AGBL1: variants seen among roughly 807,000 people sequenced by gnomAD.
The protein encoded by AGBL1 is cytosolic carboxypeptidase 4.
A neutral mutation model predicts 118.9 loss-of-function variants in AGBL1; 130 were observed. The ratio of observed to expected loss-of-function variants is 1.09; its 90% confidence interval spans 0.95 to 1.26. The LOEUF is 1.26. Ranked by LOEUF, AGBL1 falls within the 50% of genes most tolerant of loss-of-function variation. The pLI, the probability that AGBL1 is intolerant of heterozygous loss-of-function variation, is 0.00. For missense variants in AGBL1, 1,584 were observed against 1,298.1 expected, an observed-to-expected ratio of 1.22 and a Z score of -3.38; for synonymous variants, 555 against 478.9, an observed-to-expected ratio of 1.16 and a Z score of -2.08.
intron 17 of AGBL1, among the ~76,000 whole-genome samples, chr15:86,359,875 A>T (rs1176041845): frequency 1.3e-5 from 2 of 151,940 alleles, no homozygotes; most frequent in East Asian, 3.8e-4. Context: ...TTTTGTGTAG[A>T]GAAGTGTGAC....
At chr15:86,849,517 C>CTTTTTTTTTTTTT (rs68185029) in intron 22 of AGBL1, among the ~76,000 whole-genome samples, 11 of 136,790 alleles carry the variant, frequency 8.0e-5, no homozygotes, top group African/African-American at 1.3e-4. Context: ...TTCTTTCTTT[C>CTTTTTTTTTTTTT]TTTTTTTTTT....
chr15:86,874,697 G>T (rs1381387319), intron 22 of AGBL1, among the ~76,000 whole-genome samples: 2 of 152,106 alleles, frequency 1.3e-5, no homozygotes, highest in African/African-American at 4.8e-5. Flanking sequence ...ACTGACCTGG[G>T]ATTAACCTTT....
At chr15:86,603,669 C>T (rs1456616093) in intron 21 of AGBL1, among the ~76,000 whole-genome samples, 1 of 152,078 alleles carries the variant, frequency 6.6e-6, no homozygotes, top group Admixed American at 6.5e-5. Context: ...TCCCTCTCTT[C>T]CCGCCCCCTC....
In AGBL1 at chr15:86,971,706, T is replaced by G. The variant is rs570138481; in HGVS notation, c.3222-16281T>G. ...TCTGGAAACATTGCAGCTCCCTCTC[T>G]TTTCATTCTTTGGCCAGCTGAATTA... On this transcript the variant is annotated intron_variant, in intron 23 of 24. Transcript: ENST00000441037. 1.4e-4 allele frequency among the ~76,000 whole-genome samples: 22 copies of G among 152,110 alleles called. No homozygotes were observed. The East Asian group carries it at 3.7e-3, about 25-fold the overall frequency.
At position 86,840,784 on chromosome 15, in the gene AGBL1, A is replaced by G. The variant is rs145424245; in HGVS notation, c.3159-66303A>G. The stretch of plus-strand genomic sequence containing the variant: ...TAGACAGGTATATTATTTTATTCTC[A>G]TCTTCTTTTTATCTCTTGCTTCCTC... On this transcript the variant is annotated intron_variant, in intron 22 of 22. Transcript: ENST00000614907. Among the ~76,000 whole-genome samples, 48 of 152,076 alleles carry G rather than the reference A, an allele frequency of 3.2e-4. 1 individual carries two copies. The East Asian group carries it at 8.5e-3, about 27-fold the overall frequency.
chr15:86,477,654 C>T (rs1465749302), intron 18 of AGBL1, among the ~76,000 whole-genome samples: 11 of 152,162 alleles, frequency 7.2e-5, no homozygotes, highest in Non-Finnish European at 1.2e-4. Context: ...ACCAGAGGTA[C>T]AACGAGGAGC....
At chr15:86,905,055 T>C (rs1219809160) in intron 22 of AGBL1, among the ~76,000 whole-genome samples, 1 of 152,208 alleles carries the variant, frequency 6.6e-6, no homozygotes, top group East Asian at 1.9e-4. Flanking sequence ...GTTATCAAAA[T>C]AGTCATTTCA....
chr15:86,291,109 A>G (rs2079538396), intron 16 of AGBL1, among the ~76,000 whole-genome samples: 1 of 152,212 alleles, frequency 6.6e-6, no homozygotes, highest in South Asian at 2.1e-4. Context: ...AATGTCCAAC[A>G]GTGATAGACT....
At chr15:86,769,950 C>A (rs541630757) in intron 22 of AGBL1, among the ~76,000 whole-genome samples, 1 of 151,978 alleles carries the variant, frequency 6.6e-6, no homozygotes, top group Admixed American at 6.6e-5. Context: ...CAGTTATATA[C>A]CAAGCATTAA....
At chr15:86,606,661 C>G (rs985996669) in intron 21 of AGBL1, among the ~76,000 whole-genome samples, 2 of 152,138 alleles carry the variant, frequency 1.3e-5, no homozygotes, top group African/African-American at 4.8e-5. Context: ...AGATAATTAA[C>G]AGGCTTTTTT....
intron 4 of AGBL1, among the ~76,000 whole-genome samples, chr15:86,158,313 T>C (rs2077220200): frequency 6.6e-6 from 1 of 152,232 alleles, no homozygotes; most frequent in African/African-American, 2.4e-5. Flanking sequence ...CCACCCTTGT[T>C]TCCCTCTCTT....
At chr15:86,969,543 C>T (rs949612287) in intron 23 of AGBL1, among the ~76,000 whole-genome samples, 3 of 151,978 alleles carry the variant, frequency 2.0e-5, no homozygotes, top group East Asian at 1.9e-4. Flanking sequence ...GTGTATTCAT[C>T]AGTCTGCATG....
At chr15:86,840,005 A>G (rs905625550) in intron 22 of AGBL1, among the ~76,000 whole-genome samples, 5 of 152,182 alleles carry the variant, frequency 3.3e-5, no homozygotes, top group African/African-American at 1.2e-4. Flanking sequence ...GGTTTATAGT[A>G]TCTCAGTAAA....
chr15:86,870,528 T>G (rs2141502710), intron 22 of AGBL1, among the ~76,000 whole-genome samples: 1 of 146,196 alleles, frequency 6.8e-6, no homozygotes, highest in Admixed American at 6.9e-5. Context: ...GCCCTTTCCC[T>G]TTGGCATTTA....
At chr15:86,167,295 G>C (rs1273917668) in intron 5 of AGBL1, among the ~76,000 whole-genome samples, 2 of 151,568 alleles carry the variant, frequency 1.3e-5, no homozygotes, top group Non-Finnish European at 2.9e-5. Context: ...GCCCAGGCTG[G>C]AGTGCAGTGG....
chr15:86,528,132 G>A (rs1242439186), intron 19 of AGBL1, among the ~76,000 whole-genome samples: 3 of 152,146 alleles, frequency 2.0e-5, no homozygotes, highest in East Asian at 1.9e-4. Flanking sequence ...GAACAGCTCC[G>A]GTCTACAGCT....
At position 86,555,147 on chromosome 15, in the gene AGBL1, C is replaced by G. The variant is rs972085767; in HGVS notation, c.2994+610C>G. Among the ~76,000 whole-genome samples, 4 of 152,338 alleles carry G rather than the reference C, an allele frequency of 2.6e-5. No individual in the cohort carries two copies. The South Asian group carries it at 6.2e-4, about 24-fold the overall frequency. ...ACAGCTATATTAACTGCATGAGCAG[C>G]TGGATAGCTGCTACAGCAGGCTGTT... On this transcript the variant is annotated intron_variant, in intron 21 of 22. Coordinates refer to ENST00000614907, the MANE Select transcript of AGBL1 (RefSeq NM_001386094.1).
At chr15:86,760,811 T>C (rs1252557791) in intron 22 of AGBL1, among the ~76,000 whole-genome samples, 1 of 152,068 alleles carries the variant, frequency 6.6e-6, no homozygotes, top group Non-Finnish European at 1.5e-5. Flanking sequence ...GGGAAATTAA[T>C]TGTGTCTTCC....
intron 6 of AGBL1, among the ~76,000 whole-genome samples, chr15:86,239,964 G>C (rs987804048): frequency 6.6e-6 from 1 of 152,158 alleles, no homozygotes; most frequent in African/African-American, 2.4e-5. Flanking sequence ...GACCTCCATA[G>C]ATATATACAA....
Sources: gnomAD v4.1 joint callset for allele counts (sites outside exome capture counted in the v4.1 genomes callset) on GRCh38, gnomAD v4.1.1 for gene constraint, MANE v1.5 for transcripts, NCBI Gene and HGNC (gene_info 2026-07-23, HGNC 2026-07-21) for gene names.